The following RAI2 variants were observed in gnomAD, a reference collection of about 807,000 sequenced individuals.
RAI2 encodes the protein retinoic acid induced 2.
In RAI2, 5 loss-of-function variants were observed where a neutral mutation model predicts 15.3. That is an observed-to-expected ratio of 0.33 (90% CI 0.17 to 0.69). RAI2 has a LOEUF of 0.69. RAI2 is among the 30% of genes least tolerant of loss of function. The pLI is 0.69. For missense variants in RAI2, 424 were observed against 424.7 expected, an observed-to-expected ratio of 1.00 and a Z score of 0.01; for synonymous variants, 191 against 184.0, an observed-to-expected ratio of 1.04 and a Z score of -0.31.
At chrX:17,832,179 CAG>C (rs2067288573) in intron 1 of RAI2, among the ~76,000 whole-genome samples, 1 of 112,284 alleles carries the variant, frequency 8.9e-6, no homozygotes, top group African/African-American at 3.2e-5. Flanking sequence ...GCACTGATAA[CAG>C]AGTGAAAAGG....
intron 1 of RAI2, among the ~76,000 whole-genome samples, chrX:17,808,424 A>G (rs1464175912): frequency 5.4e-5 from 6 of 111,237 alleles, no homozygotes; most frequent in Non-Finnish European, 1.1e-4. Context: ...AACTTAAAAA[A>G]AAAACCATGC....
At chrX:17,852,883 T>C (rs2067552769) in intron 1 of RAI2, among the ~76,000 whole-genome samples, 1 of 111,456 alleles carries the variant, frequency 9.0e-6, no homozygotes, top group Non-Finnish European at 1.9e-5. Flanking sequence ...CTGTTGACTT[T>C]CTCTCTCAAT....
At chrX:17,838,113 A>T (rs2067355680) in intron 1 of RAI2, among the ~76,000 whole-genome samples, 1 of 112,314 alleles carries the variant, frequency 8.9e-6, no homozygotes, top group South Asian at 3.7e-4. Flanking sequence ...TTCATATGAA[A>T]CTCTAGAGCA....
At chrX:17,818,122 T>C (rs989039788) in intron 1 of RAI2, among the ~76,000 whole-genome samples, 1 of 111,512 alleles carries the variant, frequency 9.0e-6, no homozygotes, top group Middle Eastern at 4.6e-3. Context: ...TAAGCAGAGA[T>C]TGCCCCTATT....
chrX:17,827,902 C>A (rs1204770571), intron 1 of RAI2, among the ~76,000 whole-genome samples: 1 of 111,488 alleles, frequency 9.0e-6, no homozygotes, highest in Non-Finnish European at 1.9e-5. Flanking sequence ...CCTACCCCTG[C>A]AGGAGATCTC....
At position 17,800,407 on chromosome X, in the gene RAI2, A is replaced by G; in HGVS notation, c.*11T>C. 2 of 1,169,283 alleles carry G rather than the reference A, an allele frequency of 1.7e-6. No individual in the cohort carries two copies. The highest frequency in any genetic ancestry group is 2.3e-6 in the Non-Finnish European group (2 of 874,794). On this transcript the variant is annotated 3_prime_UTR_variant, in exon 2 of 2. Transcript: ENST00000451717. The stretch of plus-strand genomic sequence containing the variant: ...CATATTATAATCATACAAATTTTAA[A>G]AAGCCGTTATTTACTTTCTTGGAAA...
intron 1 of RAI2, among the ~76,000 whole-genome samples, chrX:17,853,327 G>A (rs1288617468): frequency 8.9e-6 from 1 of 112,034 alleles, no homozygotes. Flanking sequence ...TCATGCCCAT[G>A]AATTGTATTT....
chrX:17,814,989 T>C (rs982652458), intron 1 of RAI2, among the ~76,000 whole-genome samples: 21 of 109,229 alleles, frequency 1.9e-4, no homozygotes, highest in Admixed American at 8.8e-4. Flanking sequence ...GTACAGACAA[T>C]GCAGGAAAGA....
At chrX:17,827,679 G>A (rs1199608011) in intron 1 of RAI2, among the ~76,000 whole-genome samples, 1 of 112,327 alleles carries the variant, frequency 8.9e-6, no homozygotes, top group Admixed American at 9.4e-5. Flanking sequence ...TATCAAGAGT[G>A]TCTACTGCCA....
intron 1 of RAI2, among the ~76,000 whole-genome samples, chrX:17,848,891 T>C (rs1287221946): frequency 1.8e-5 from 2 of 112,430 alleles, no homozygotes; most frequent in Admixed American, 9.3e-5. Flanking sequence ...TGCTTCTTCC[T>C]TCACCCGCAA....
intron 1 of RAI2, among the ~76,000 whole-genome samples, chrX:17,857,193 T>C (rs1160179793): frequency 9.0e-6 from 1 of 111,717 alleles, no homozygotes; most frequent in Non-Finnish European, 1.9e-5. Flanking sequence ...ACGCAGGCTT[T>C]TGTGTGTGGG....
chrX:17,841,431 A>C (rs1291321112), intron 1 of RAI2, among the ~76,000 whole-genome samples: 2 of 112,152 alleles, frequency 1.8e-5, no homozygotes, highest in African/African-American at 6.5e-5. Context: ...AAAAGGAAAT[A>C]TCATTTTTTC....
At chrX:17,855,748 T>C (rs2067594503) in intron 1 of RAI2, among the ~76,000 whole-genome samples, 1 of 112,276 alleles carries the variant, frequency 8.9e-6, no homozygotes, top group Non-Finnish European at 1.9e-5. Flanking sequence ...TAAATTTTTT[T>C]TGTAGTCACA....
intron 1 of RAI2, among the ~76,000 whole-genome samples, chrX:17,814,794 T>C (rs2067086988): frequency 9.0e-6 from 1 of 111,025 alleles, no homozygotes; most frequent in African/African-American, 3.3e-5. Flanking sequence ...GTTCTTTGAA[T>C]CATATTTGTG....
In RAI2 at chrX:17,838,634, G is replaced by A. The variant is rs1354647700; in HGVS notation, c.-25+22464C>T. ...AGTTTGGGGGAATTTAATCAGGACC[G>A]CCTCAAACACACACACACACACAGC... On this transcript the variant is annotated intron_variant, in intron 1 of 1. Coordinates refer to ENST00000451717, the MANE Select transcript of RAI2 (RefSeq NM_021785.6). Among the ~76,000 whole-genome samples the A allele has an allele frequency of 3.9e-5, 4 of 102,415 alleles. No individual in the cohort carries two copies. The South Asian group carries it at 1.9e-3, about 49-fold the overall frequency. The allele number at this position is 102,415 out of a possible 115,157, so 88.9% of individuals were successfully genotyped here. A position where few individuals can be genotyped will look rare whatever the true frequency, so the allele number is the denominator to read the frequency against.
In RAI2 at chrX:17,801,854, C is replaced by T. The variant is rs750304262; in HGVS notation, c.157G>A (p.Val53Met). The T allele has an allele frequency of 1.1e-5, 13 of 1,208,631 alleles. No homozygotes were observed. In the Admixed American group the frequency reaches 1.8e-4, roughly 16 times the overall value. The change falls in exon 2 of 2, where the codon GTG becomes ATG. Residue 53 changes from valine (V) to methionine (M), a missense_variant. By Grantham distance (21) the Val-to-Met change is conservative. Coordinates refer to ENST00000451717, the MANE Select transcript of RAI2 (RefSeq NM_021785.6). ...GGGTTCAGAATGGATGGGGCTGGCA[C>T]GGTCACCAGGGCCTTCTTTACCAGG... ...TDLVKKALVTVPAPSILNPPA... is the reference protein window; with the variant it reads ...TDLVKKALVTMPAPSILNPPA...
At position 17,800,374 on chromosome X, in the gene RAI2, C is replaced by A. The variant is rs745791005; in HGVS notation, c.*44G>T. On this transcript the variant is annotated 3_prime_UTR_variant, in exon 2 of 2. Coordinates refer to ENST00000451717, the MANE Select transcript of RAI2 (RefSeq NM_021785.6). ...AATGCCTTTTTATAAAACCAATGCA[C>A]CTTTCCCCATATTATAATCATACAA... 1 of 1,133,898 alleles carries A rather than the reference C, an allele frequency of 8.8e-7. No individual in the cohort carries two copies. The highest frequency in any genetic ancestry group is 2.9e-5 in the Admixed American group (1 of 34,514). 93.4% of individuals were successfully genotyped at this position (1,133,898 alleles called of 1,213,427 possible). A position where few individuals can be genotyped will look rare whatever the true frequency, so the allele number is the denominator to read the frequency against.
chrX:17,847,000 C>T (rs1355243476), intron 1 of RAI2, among the ~76,000 whole-genome samples: 1 of 111,996 alleles, frequency 8.9e-6, no homozygotes, highest in Non-Finnish European at 1.9e-5. Flanking sequence ...CACAAGCTCT[C>T]TCTTGCCTGC....
intron 1 of RAI2, among the ~76,000 whole-genome samples, chrX:17,814,873 C>T (rs1431539271): frequency 9.1e-6 from 1 of 109,701 alleles, no homozygotes; most frequent in Non-Finnish European, 1.9e-5. Context: ...ATCTTGTGTT[C>T]CAACTCGGGG....
Sources: allele counts gnomAD v4.1 joint callset (sites outside exome capture counted in the v4.1 genomes callset), GRCh38; gene constraint gnomAD v4.1.1; transcripts MANE v1.5; gene names NCBI Gene and HGNC (gene_info 2026-07-23, HGNC 2026-07-21).